DIPK1A: variants seen among roughly 807,000 people sequenced by gnomAD.
DIPK1A encodes the protein divergent protein kinase domain 1A.
A neutral mutation model predicts 40.8 loss-of-function variants in DIPK1A; 27 were observed. The ratio of observed to expected loss-of-function variants is 0.66; its 90% CI spans 0.49 to 0.91. The LOEUF is 0.91. DIPK1A is among the 40% of genes least tolerant of loss of function. The pLI, the probability that DIPK1A is intolerant of heterozygous loss-of-function variation, is 0.00. For synonymous variants in DIPK1A, 166 were observed against 171.3 expected, an observed-to-expected ratio of 0.97 and a Z score of 0.24; for missense variants, 412 against 505.7, an observed-to-expected ratio of 0.81 and a Z score of 1.78.
At chr1:92,948,680 T>C (rs1571149902) in intron 1 of DIPK1A, among the ~76,000 whole-genome samples, 1 of 117,192 alleles carries the variant, frequency 8.5e-6, no homozygotes, top group African/African-American at 3.0e-5. Flanking sequence ...TATATATACA[T>C]GTATATGTAT....
chr1:92,833,518 C>T, intron 4 of DIPK1A: 17 of 1,611,560 alleles, frequency 1.1e-5, no homozygotes, highest in Non-Finnish European at 1.3e-5. Flanking sequence ...GTGGAGTATC[C>T]TTTCTACAAT....
At chr1:92,933,552 A>T (rs1650840666) in intron 1 of DIPK1A, 1 of 152,150 alleles carries the variant, frequency 6.6e-6, no homozygotes. Context: ...GGAAAAGAAA[A>T]CTGCCCAATC....
rs146947018 is a variant in DIPK1A, at chr1:92,941,861, G to A, written c.54+19515C>T. The stretch of plus-strand genomic sequence containing the variant: ...AGATAAAAGCCAAGAGTGGTGGCGC[G>A]TGCTTGTAATCCCAGCTACTCAGGA... On this transcript the variant is annotated intron_variant, in intron 1 of 4. Coordinates refer to ENST00000370310, the MANE Select transcript of DIPK1A (RefSeq NM_001006605.5). Among the ~76,000 whole-genome samples, 457 of 152,158 alleles carry A rather than the reference G, an allele frequency of 3.0e-3. 4 individuals are homozygous for A. Among genetic ancestry groups the A allele is most frequent in the African/African-American group, 0.01 (425 of 41,494 alleles).
exon 5 of DIPK1A, chr1:92,832,904 C>T (rs898734893): frequency 6.0e-6 from 4 of 671,656 alleles, no homozygotes; most frequent in Admixed American, 4.6e-5. Context: ...GAGAGAGGTA[C>T]GTAGTTGTTA....
downstream of DIPK1A, chr1:92,837,860 C>T (rs977251152): frequency 2.9e-5 from 16 of 542,684 alleles, no homozygotes; most frequent in South Asian, 6.2e-5. Context: ...TTGTAGATGT[C>T]ATTTCTGTAA....
intron 1 of DIPK1A, among the ~76,000 whole-genome samples, chr1:92,918,455 C>G (rs1408310042): frequency 1.3e-5 from 2 of 152,188 alleles, no homozygotes; most frequent in Non-Finnish European, 2.9e-5. Flanking sequence ...GGCCAGGAGC[C>G]ATTTCTTTAC....
chr1:92,946,653 A>G (rs1233371798), intron 1 of DIPK1A, among the ~76,000 whole-genome samples: 1 of 152,214 alleles, frequency 6.6e-6, no homozygotes, highest in Non-Finnish European at 1.5e-5. Flanking sequence ...AAATCAAGAA[A>G]CAGAGGTAGG....
chr1:92,960,215 G>A (rs1557502862), intron 1 of DIPK1A, among the ~76,000 whole-genome samples: 1 of 151,986 alleles, frequency 6.6e-6, no homozygotes. Flanking sequence ...AATATCATGG[G>A]TTGTCAAATC....
chr1:92,852,007 C>T (rs1327661559), intron 2 of DIPK1A, among the ~76,000 whole-genome samples: 1 of 152,198 alleles, frequency 6.6e-6, no homozygotes, highest in African/African-American at 2.4e-5. Flanking sequence ...TGATGAACTA[C>T]GGTTGGGAGA....
intron 1 of DIPK1A, among the ~76,000 whole-genome samples, chr1:92,880,253 T>C (rs755700364): frequency 2.6e-5 from 4 of 152,240 alleles, no homozygotes; most frequent in Non-Finnish European, 4.4e-5. Context: ...TAAATTTGTA[T>C]GACATTAGCA....
At position 92,843,224 on chromosome 1, in the gene DIPK1A, C is replaced by T; in HGVS notation, c.*159G>A. On this transcript the variant is annotated 3_prime_UTR_variant, in exon 5 of 5. Transcript: ENST00000370310. Reference sequence around the variant, plus strand: ...ATCTTGGGGACCTGTTGATCCTACACCTGCCATTACTTCAGTGATCACATA... The same window carrying T: ...ATCTTGGGGACCTGTTGATCCTACATCTGCCATTACTTCAGTGATCACATA... 2.8e-6 allele frequency: 4 copies of T among 1,414,098 alleles called. No homozygotes were observed. Among genetic ancestry groups the T allele is most frequent in the Non-Finnish European group, 3.7e-6 (4 of 1,082,924 alleles). The allele number at this position is 1,414,098 out of a possible 1,614,324, so 87.6% of individuals were successfully genotyped here. A position where few individuals can be genotyped will look rare whatever the true frequency, so the allele number is the denominator to read the frequency against.
intron 1 of DIPK1A, among the ~76,000 whole-genome samples, chr1:92,944,135 G>A (rs1020207525): frequency 6.6e-6 from 1 of 151,834 alleles, no homozygotes; most frequent in African/African-American, 2.4e-5. Flanking sequence ...ATCAACAAAC[G>A]ATCTGGAAAA....
intron 1 of DIPK1A, among the ~76,000 whole-genome samples, chr1:92,957,525 C>T (rs538411491): frequency 1.2e-3 from 185 of 152,344 alleles, no homozygotes; most frequent in African/African-American, 4.2e-3. Flanking sequence ...AGGTAAACGT[C>T]TGTTGGCCCT....
intron 2 of DIPK1A, among the ~76,000 whole-genome samples, chr1:92,871,021 G>A (rs1371313253): frequency 6.6e-6 from 1 of 152,122 alleles, no homozygotes; most frequent in Non-Finnish European, 1.5e-5. Context: ...ACTTGCTGCA[G>A]GCAAACCTTA....
intron 1 of DIPK1A, among the ~76,000 whole-genome samples, chr1:92,926,963 T>C (rs777783340): frequency 4.6e-5 from 7 of 152,212 alleles, no homozygotes; most frequent in Non-Finnish European, 2.9e-5. Context: ...CTTTTAATTG[T>C]AATGTTAAGT....
At chr1:92,911,421 TTC>T (rs1348543239) in intron 1 of DIPK1A, among the ~76,000 whole-genome samples, 4 of 152,172 alleles carry the variant, frequency 2.6e-5, no homozygotes, top group African/African-American at 4.8e-5. Flanking sequence ...AGAAATAAAT[TTC>T]TGTTGTTTAT....
chr1:92,902,729 G>A (rs1371443669), intron 1 of DIPK1A, among the ~76,000 whole-genome samples: 2 of 152,168 alleles, frequency 1.3e-5, no homozygotes, highest in African/African-American at 2.4e-5. Flanking sequence ...TGATTAGGGG[G>A]TGGGGTGGTG....
chr1:92,889,940 A>G (rs1319993687), intron 1 of DIPK1A, among the ~76,000 whole-genome samples: 1 of 152,156 alleles, frequency 6.6e-6, no homozygotes, highest in Non-Finnish European at 1.5e-5. Flanking sequence ...GTGAGCCACC[A>G]TGCCCAGCTG....
At chr1:92,858,366 C>T (rs926066400) in intron 2 of DIPK1A, among the ~76,000 whole-genome samples, 11 of 152,056 alleles carry the variant, frequency 7.2e-5, no homozygotes, top group African/African-American at 2.7e-4. Flanking sequence ...TATTTGTGTC[C>T]AAGTTATCTT....
Sources: gnomAD v4.1 joint callset for allele counts (sites outside exome capture counted in the v4.1 genomes callset) on GRCh38, gnomAD v4.1.1 for gene constraint, MANE v1.5 for transcripts, NCBI Gene and HGNC (gene_info 2026-07-23, HGNC 2026-07-21) for gene names.